Variants in EPHA10 observed in about 807,000 individuals in gnomAD.
The protein encoded by EPHA10 is EPH receptor A10, also known as ephrin type-A receptor 10.
EPHA10 carries 120 observed loss-of-function variants against 109.7 expected under a neutral mutation model. The observed-to-expected ratio is 1.09, with a 90% confidence interval of 0.94 to 1.27. The LOEUF (loss-of-function observed/expected upper bound fraction) is 1.27. Among genes scored for constraint, EPHA10 ranks in the 50% most tolerant of loss-of-function variants. The pLI is 0.00. For synonymous variants in EPHA10, 640 were observed against 618.9 expected, an observed-to-expected ratio of 1.03 and a Z score of -0.51; for missense variants, 1,396 against 1,411.1, an observed-to-expected ratio of 0.99 and a Z score of 0.17.
Position 37,762,033 on chromosome 1 carries a change from G to C in EPHA10, c.222C>G (p.Tyr74Ter). 1 of 1,612,730 alleles carries C rather than the reference G, an allele frequency of 6.2e-7. No individual in the cohort carries two copies. The highest frequency in any genetic ancestry group is 1.1e-5 in the South Asian group (1 of 90,842). ...TGGGCTCCAGCACATTGCACACTTG[G>C]TACGTGCGGATGGGACGGTCGTGTT... ...VDEHDRPIRT[Y>*]QVCNVLEPNQ... Residue 74 changes from tyrosine (Y) to a stop codon, truncating the protein, a stop_gained, in exon 3 of 17, where the codon TAC (tyrosine) becomes TAG (stop). Transcript: ENST00000373048. LOFTEE classifies it high-confidence loss of function.
chr1:37,729,872 C>CAA (rs112155506), intron 7 of EPHA10, among the ~76,000 whole-genome samples: 3 of 135,966 alleles, frequency 2.2e-5, no homozygotes, highest in Admixed American at 7.5e-5. Flanking sequence ...GACCCTACCT[C>CAA]AAAAAAAAAA....
Position 37,718,485 on chromosome 1 carries a change from C to T in EPHA10, c.2914G>A (p.Asp972Asn). 1 of 1,613,438 alleles carries T rather than the reference C, an allele frequency of 6.2e-7. No individual in the cohort carries two copies. Among genetic ancestry groups the T allele is most frequent in the African/African-American group, 1.3e-5 (1 of 75,070 alleles). Residue 972 changes from aspartate (D) to asparagine (N), a missense_variant and splice_region_variant, in exon 17 of 17, where the codon GAC (aspartate) becomes AAC (asparagine). Physicochemically the swap from Asp to Asn is conservative, Grantham distance 23. Transcript: ENST00000373048. ...AAAGAGATGCCTAGGCTCACCAGGT[C>T]CCTGAAACAAAGGCTGGTCACACTC... The part of the protein sequence containing the change: ...LEAVAEMTAQ[D>N]LVSLGISLAE...
chr1:37,739,735 G>A (rs1646125105), intron 5 of EPHA10, among the ~76,000 whole-genome samples: 1 of 151,802 alleles, frequency 6.6e-6, no homozygotes, highest in Admixed American at 6.6e-5. Context: ...TAGTTGCCAG[G>A]GGAGGGTGGT....
Position 37,731,510 on chromosome 1 carries a change from C to A in EPHA10, c.1564G>T (p.Ala522Ser). 3 of 1,614,070 alleles carry A rather than the reference C, an allele frequency of 1.9e-6. No homozygotes were observed. Among genetic ancestry groups the A allele is most frequent in the Non-Finnish European group, 2.5e-6 (3 of 1,179,980 alleles). Residue 522 changes from alanine to serine, a missense_variant, in exon 7 of 17, where the codon GCT (alanine) becomes TCT (serine). Coordinates refer to ENST00000373048, the MANE Select transcript of EPHA10 (RefSeq NM_001099439.2). Reference protein sequence around the residue: ...PTVTVTNLKPATRYVFQIRAA... With the variant: ...PTVTVTNLKPSTRYVFQIRAA... ...CGGATCTGAAAGACGTAGCGGGTAG[C>A]CGGCTTCAGGTTGGTGACGGTGACT...
chr1:37,748,918 C>CATTTT (rs1646280045), intron 5 of EPHA10, among the ~76,000 whole-genome samples: 1 of 95,306 alleles, frequency 1.0e-5, no homozygotes, highest in Non-Finnish European at 1.9e-5. Flanking sequence ...TTCTTTTCAT[C>CATTTT]TTTTTTTTTT....
intron 5 of EPHA10, among the ~76,000 whole-genome samples, chr1:37,744,511 AT>A (rs1646202444): frequency 6.6e-6 from 1 of 150,660 alleles, no homozygotes; most frequent in African/African-American, 2.5e-5. Context: ...AAAAAAAAAA[AT>A]AGCTGGATGT....
At chr1:37,751,216 AAGAAAG>A (rs1346771226) in intron 5 of EPHA10, among the ~76,000 whole-genome samples, 12 of 119,614 alleles carry the variant, frequency 1.0e-4, no homozygotes, top group East Asian at 5.4e-4. Context: ...AAAAAAAAAA[AAGAAAG>A]AAAGAAAGAA....
chr1:37,724,198 G>A (rs1377896627), intron 8 of EPHA10, among the ~76,000 whole-genome samples: 3 of 152,222 alleles, frequency 2.0e-5, no homozygotes, highest in Non-Finnish European at 4.4e-5. Flanking sequence ...AGGTGACAGG[G>A]GCCACAGGGC....
Position 37,720,760 on chromosome 1 carries a change from T to C in EPHA10, c.2208+23A>G, listed in dbSNP as rs141226273. 1.0e-3 allele frequency: 1,610 copies of C among 1,613,602 alleles called. 23 individuals carry two copies. In the African/African-American group the frequency reaches 0.019, roughly 19 times the overall value. ...CCCGCTTTACAGAATAAAGTGGTCA[T>C]TGGCAGCCCCAGGGCCACTCACCCT... On this transcript the variant is annotated intron_variant, in intron 12 of 16. Transcript: ENST00000373048.
chr1:37,743,513 T>C (rs1646186094), intron 5 of EPHA10, among the ~76,000 whole-genome samples: 1 of 152,162 alleles, frequency 6.6e-6, no homozygotes, highest in South Asian at 2.1e-4. Flanking sequence ...GAATGCAAAA[T>C]GAACCCCTCT....
rs1253245212 is a variant in EPHA10, at chr1:37,717,385, A to T, written c.*987T>A. On this transcript the variant is annotated 3_prime_UTR_variant, in exon 17 of 17. Coordinates refer to ENST00000373048, the MANE Select transcript of EPHA10 (RefSeq NM_001099439.2). Reference sequence around the variant, plus strand: ...GCAGGACCAAGGACTCTCTCCCCAGAGCCAGCCTTACCCCTGGATTGGGTT... The same window carrying T: ...GCAGGACCAAGGACTCTCTCCCCAGTGCCAGCCTTACCCCTGGATTGGGTT... 4.3e-6 allele frequency: 1 copy of T among 232,454 alleles called. No homozygotes were observed. Among genetic ancestry groups the T allele is most frequent in the Non-Finnish European group, 8.5e-6 (1 of 117,742 alleles). 14.4% of individuals were successfully genotyped at this position (232,454 alleles called of 1,614,324 possible). A position where few individuals can be genotyped will look rare whatever the true frequency, so the allele number is the denominator to read the frequency against.
At chr1:37,752,270 G>T (rs1646339118) in intron 5 of EPHA10, among the ~76,000 whole-genome samples, 1 of 152,102 alleles carries the variant, frequency 6.6e-6, no homozygotes, top group East Asian at 1.9e-4. Context: ...AGATGTATTG[G>T]CTGGTGTGTT....
At position 37,716,771 on chromosome 1, in the gene EPHA10, G is replaced by C; in HGVS notation, c.*1601C>G. On this transcript the variant is annotated 3_prime_UTR_variant, in exon 17 of 17. Transcript: ENST00000373048. The stretch of plus-strand genomic sequence containing the variant: ...TGCCGAAAACTCCACCCACCCCAAG[G>C]AAAGAACCTTCCCTTTCCCACCTGC... 1 of 232,994 alleles carries C rather than the reference G, an allele frequency of 4.3e-6. No individual in the cohort carries two copies. Among genetic ancestry groups the C allele is most frequent in the Non-Finnish European group, 8.5e-6 (1 of 117,924 alleles). 14.4% of individuals were successfully genotyped at this position (232,994 alleles called of 1,614,324 possible). A position where few individuals can be genotyped will look rare whatever the true frequency, so the allele number is the denominator to read the frequency against.
chr1:37,732,965 C>T (rs925029800), intron 6 of EPHA10, among the ~76,000 whole-genome samples: 1 of 134,776 alleles, frequency 7.4e-6, no homozygotes, highest in African/African-American at 2.8e-5. Context: ...AATCTCGGCT[C>T]ACTGCAACCT....
chr1:37,760,235 T>G (rs1646419848), intron 3 of EPHA10: 2 of 1,005,594 alleles, frequency 2.0e-6, no homozygotes, highest in South Asian at 9.4e-5. Flanking sequence ...TATGTCTGAC[T>G]CATTTCTGTT....
intron 3 of EPHA10, 177 bp downstream of exon 3, chr1:37,761,228 C>G (rs1053951534): frequency 2.3e-5 from 35 of 1,493,362 alleles, no homozygotes; most frequent in Admixed American, 2.3e-5. Flanking sequence ...CTCATTGGCC[C>G]TGACTGGACT....
At chr1:37,762,946 G>A in intron 1 of EPHA10, 97 bp from the exon 2 acceptor site, 1 of 1,183,874 alleles carries the variant, frequency 8.4e-7, no homozygotes, top group Non-Finnish European at 1.2e-6. Flanking sequence ...TTTGCTGAGA[G>A]AATGCAATAT....
intron 11 of EPHA10, among the ~76,000 whole-genome samples, chr1:37,721,078 G>A (rs1645786432): frequency 6.6e-6 from 1 of 151,998 alleles, no homozygotes; most frequent in Non-Finnish European, 1.5e-5. Flanking sequence ...TGCTAAGAAA[G>A]ATCACTCTTT....
chr1:37,724,018 C>T (rs1005434598), intron 8 of EPHA10, among the ~76,000 whole-genome samples: 7 of 152,210 alleles, frequency 4.6e-5, no homozygotes, highest in Admixed American at 4.6e-4. Context: ...GAGGAGAGCC[C>T]CTGTGGGGTT....
Sources: gnomAD v4.1 joint callset for allele counts (sites outside exome capture counted in the v4.1 genomes callset) on GRCh38, gnomAD v4.1.1 for gene constraint, MANE v1.5 for transcripts, NCBI Gene and HGNC (gene_info 2026-07-23, HGNC 2026-07-21) for gene names.